The following AKAP6 variants were observed in gnomAD, a reference collection of about 807,000 sequenced individuals.
The protein encoded by AKAP6 is A-kinase anchoring protein 6.
A neutral mutation model predicts 188.5 loss-of-function variants in AKAP6; 58 were observed. The observed-to-expected ratio is 0.31, with a 90% CI of 0.25 to 0.38. AKAP6 has a LOEUF of 0.38. Among genes scored for constraint, AKAP6 ranks in the 10% least tolerant of loss-of-function variants. The pLI is 1.00. For synonymous variants in AKAP6, 989 were observed against 998.6 expected, an observed-to-expected ratio of 0.99 and a Z score of 0.18; for missense variants, 2,710 against 2,740.0, an observed-to-expected ratio of 0.99 and a Z score of 0.24.
At chr14:32,491,370 G>T (rs955361374) in intron 2 of AKAP6, among the ~76,000 whole-genome samples, 1 of 152,156 alleles carries the variant, frequency 6.6e-6, no homozygotes, top group Non-Finnish European at 1.5e-5. Context: ...TTATTGAAAA[G>T]ACCTCTACTG....
At chr14:32,651,008 T>G (rs1888200046) in intron 7 of AKAP6, among the ~76,000 whole-genome samples, 1 of 152,194 alleles carries the variant, frequency 6.6e-6, no homozygotes, top group African/African-American at 2.4e-5. Context: ...TGATACCCAA[T>G]TATTCCATCT....
At chr14:32,337,694 G>T (rs1210874868) in intron 1 of AKAP6, among the ~76,000 whole-genome samples, 5 of 151,706 alleles carry the variant, frequency 3.3e-5, no homozygotes, top group African/African-American at 1.2e-4. Flanking sequence ...TTAGCATTAG[G>T]TATATCTCCT....
At chr14:32,828,579 A>G (rs2034743752) in intron 13 of AKAP6, among the ~76,000 whole-genome samples, 1 of 149,164 alleles carries the variant, frequency 6.7e-6, no homozygotes, top group African/African-American at 2.5e-5. Context: ...ACACTCTCAC[A>G]CCCCAGATCT....
At chr14:32,353,465 G>A (rs1887362376) in intron 1 of AKAP6, among the ~76,000 whole-genome samples, 1 of 152,150 alleles carries the variant, frequency 6.6e-6, no homozygotes, top group African/African-American at 2.4e-5. Flanking sequence ...GGAGGCTGAG[G>A]CAGGAGAATG....
chr14:32,726,619 G>A (rs77542095), intron 9 of AKAP6, among the ~76,000 whole-genome samples: 2,078 of 152,314 alleles, frequency 0.014, 46 homozygotes, highest in African/African-American at 0.048. Context: ...TGCTTTTCAC[G>A]CAGTGCATTT....
At chr14:32,657,366 T>G (rs1016821302) in intron 7 of AKAP6, among the ~76,000 whole-genome samples, 2 of 152,108 alleles carry the variant, frequency 1.3e-5, no homozygotes, top group Non-Finnish European at 2.9e-5. Flanking sequence ...ATGGAAGCAA[T>G]TCCAATGTTA....
intron 12 of AKAP6, among the ~76,000 whole-genome samples, chr14:32,795,454 C>CT (rs1315315356): frequency 6.6e-6 from 1 of 152,178 alleles, no homozygotes; most frequent in African/African-American, 2.4e-5. Flanking sequence ...ATCAAGTCAC[C>CT]TTTATCCCCA....
At chr14:32,576,706 A>G (rs1884734458) in intron 4 of AKAP6, among the ~76,000 whole-genome samples, 1 of 152,162 alleles carries the variant, frequency 6.6e-6, no homozygotes, top group African/African-American at 2.4e-5. Flanking sequence ...ACATCTTTAC[A>G]GGAATGCCAA....
At chr14:32,434,052 G>A in intron 2 of AKAP6, 1 of 465,738 alleles carries the variant, frequency 2.1e-6, no homozygotes, top group South Asian at 4.0e-5. Context: ...AGAGAAATGG[G>A]GAAAGGGAGG....
intron 11 of AKAP6, among the ~76,000 whole-genome samples, chr14:32,738,370 G>T (rs1040931914): frequency 1.3e-5 from 2 of 152,142 alleles, no homozygotes; most frequent in African/African-American, 4.8e-5. Flanking sequence ...CGCTGGCCTG[G>T]TCCCAAAACG....
rs565596578 is a variant in AKAP6, at chr14:32,381,343, T to TA, written c.-35+51946dup. ...TGACAGAGTGAGACCCCATCTCAAA[T>TA]AAAAAAAAAAATCAGTAAGGTCTTC... is the stretch of plus-strand genomic sequence containing the variant. On this transcript the variant is annotated intron_variant, in intron 1 of 13. Transcript: ENST00000280979. 5.1e-3 allele frequency among the ~76,000 whole-genome samples: 739 copies of TA among 146,166 alleles called. 3 individuals carry two copies. The highest frequency in any genetic ancestry group is 8.0e-3 in the Admixed American group (117 of 14,662).
intron 13 of AKAP6, among the ~76,000 whole-genome samples, chr14:32,826,422 C>T (rs1198248195): frequency 2.0e-5 from 3 of 152,202 alleles, no homozygotes; most frequent in Admixed American, 1.3e-4. Context: ...ATTCCATAAG[C>T]TGCTTCAAAA....
chr14:32,586,211 G>C (rs1202419108), intron 5 of AKAP6, among the ~76,000 whole-genome samples: 1 of 152,084 alleles, frequency 6.6e-6, no homozygotes, highest in African/African-American at 2.4e-5. Context: ...AAAAATTAAA[G>C]AAAGGGAGTA....
chr14:32,777,763 T>C (rs2033112894), intron 12 of AKAP6, among the ~76,000 whole-genome samples: 1 of 152,170 alleles, frequency 6.6e-6, no homozygotes, highest in African/African-American at 2.4e-5. Flanking sequence ...GGAAGCTGGG[T>C]GCTCTTGCTC....
At chr14:32,796,846 T>C (rs2033783219) in intron 12 of AKAP6, among the ~76,000 whole-genome samples, 1 of 152,160 alleles carries the variant, frequency 6.6e-6, no homozygotes, top group African/African-American at 2.4e-5. Flanking sequence ...AAGAAACTCA[T>C]CAGAGTGAAC....
At chr14:32,436,252 A>T (rs1890373900) in intron 2 of AKAP6, among the ~76,000 whole-genome samples, 1 of 152,238 alleles carries the variant, frequency 6.6e-6, no homozygotes, top group East Asian at 1.9e-4. Context: ...ATCTAGGCAC[A>T]GATAATTGCC....
chr14:32,637,416 T>G (rs74839727), intron 7 of AKAP6, among the ~76,000 whole-genome samples: 3 of 152,082 alleles, frequency 2.0e-5, no homozygotes, highest in African/African-American at 7.2e-5. Context: ...ATAGAAAAGA[T>G]AGATGACTCT....
At chr14:32,450,474 A>G (rs1890902831) in intron 2 of AKAP6, among the ~76,000 whole-genome samples, 1 of 152,220 alleles carries the variant, frequency 6.6e-6, no homozygotes, top group Non-Finnish European at 1.5e-5. Context: ...CAAGGCCTGC[A>G]AGGGGCAGGG....
At chr14:32,532,033 G>A (rs1882441374) in intron 2 of AKAP6, among the ~76,000 whole-genome samples, 1 of 152,138 alleles carries the variant, frequency 6.6e-6, no homozygotes, top group Non-Finnish European at 1.5e-5. Context: ...ATTGGTAATT[G>A]TATGCTTAAT....
Sources: allele counts gnomAD v4.1 joint callset (sites outside exome capture counted in the v4.1 genomes callset), GRCh38; gene constraint gnomAD v4.1.1; transcripts MANE v1.5; gene names NCBI Gene and HGNC (gene_info 2026-07-23, HGNC 2026-07-21).